Variants in PTCHD4 observed in about 807,000 individuals in gnomAD.
PTCHD4 encodes the protein patched domain containing 4.
A neutral mutation model predicts 58.1 loss-of-function variants in PTCHD4; 33 were observed. That is an observed-to-expected ratio of 0.57 (90% CI 0.43 to 0.76). PTCHD4 has a LOEUF of 0.76. PTCHD4 is among the 30% of genes least tolerant of loss of function. The pLI, the probability that PTCHD4 is intolerant of heterozygous loss-of-function variation, is 0.00. For synonymous variants in PTCHD4, 478 were observed against 409.6 expected, an observed-to-expected ratio of 1.17 and a Z score of -2.02; for missense variants, 1,058 against 1,027.1, an observed-to-expected ratio of 1.03 and a Z score of -0.41.
chr6:48,036,051 G>C (rs560270579), intron 3 of PTCHD4, among the ~76,000 whole-genome samples: 2 of 151,558 alleles, frequency 1.3e-5, no homozygotes, highest in East Asian at 1.9e-4. Flanking sequence ...ATACACCCTC[G>C]AGCTTGAGAA....
chr6:47,985,206 A>G (rs1216068004), intron 4 of PTCHD4, among the ~76,000 whole-genome samples: 2 of 152,128 alleles, frequency 1.3e-5, no homozygotes, highest in African/African-American at 4.8e-5. Context: ...TTAAGCTGAC[A>G]TAGTTGAATA....
At chr6:47,911,928 G>A (rs1027709738) in intron 4 of PTCHD4, among the ~76,000 whole-genome samples, 38 of 152,090 alleles carry the variant, frequency 2.5e-4, no homozygotes, top group Admixed American at 2.5e-3. Context: ...AAGGTGGATA[G>A]TGGAGGAGGA....
At chr6:48,004,504 G>A (rs1266499784) in intron 4 of PTCHD4, among the ~76,000 whole-genome samples, 2 of 152,072 alleles carry the variant, frequency 1.3e-5, no homozygotes, top group East Asian at 3.8e-4. Flanking sequence ...TAAAGCAAAT[G>A]AGGTGAAAAA....
At chr6:47,907,150 G>A (rs1209231272) in intron 4 of PTCHD4, among the ~76,000 whole-genome samples, 1 of 152,152 alleles carries the variant, frequency 6.6e-6, no homozygotes, top group Non-Finnish European at 1.5e-5. Flanking sequence ...GTGGGAAGGG[G>A]TTTTGGAAAT....
In PTCHD4 at chr6:47,907,482, G is replaced by T. The variant is rs1764928853; in HGVS notation, c.899-27546C>A. Among the ~76,000 whole-genome samples the T allele has an allele frequency of 2.6e-5, 4 of 152,182 alleles. No individual in the cohort carries two copies. The South Asian group carries it at 6.2e-4, about 24-fold the overall frequency. On this transcript the variant is annotated intron_variant, in intron 4 of 4. Transcript: ENST00000339488. ...AAAGGAGGAATGAAGAGAATAGATA[G>T]ACTGACTAAGGAGCTAGGGGTTTTA...
At chr6:47,947,850 A>T (rs1414259055) in intron 4 of PTCHD4, among the ~76,000 whole-genome samples, 1 of 152,136 alleles carries the variant, frequency 6.6e-6, no homozygotes, top group African/African-American at 2.4e-5. Context: ...TTGTTTTCCA[A>T]TATTATGTTT....
At chr6:47,956,230 A>G (rs1766854326) in intron 4 of PTCHD4, among the ~76,000 whole-genome samples, 1 of 152,166 alleles carries the variant, frequency 6.6e-6, no homozygotes, top group Non-Finnish European at 1.5e-5. Flanking sequence ...AATATGTGTA[A>G]CAATAACTAA....
At chr6:47,944,330 T>A (rs745935010) in intron 4 of PTCHD4, among the ~76,000 whole-genome samples, 3 of 152,068 alleles carry the variant, frequency 2.0e-5, no homozygotes, top group Non-Finnish European at 2.9e-5. Flanking sequence ...TTCAAAAAAA[T>A]TTCAGAAAAC....
rs959522274 is a variant in PTCHD4 at position 47,858,656 on chromosome 6, C to T, written c.*19647G>A. On this transcript the variant is annotated 3_prime_UTR_variant, in exon 5 of 5. Coordinates refer to ENST00000339488, the MANE Select transcript of PTCHD4 (RefSeq NM_001384253.1). ...CATAAAACAAAGAGCAATAAGAAAT[C>T]TGAACACAAGTAACAAGGCTACACT... Among the ~76,000 whole-genome samples the T allele has an allele frequency of 1.3e-5, 2 of 151,928 alleles. No homozygotes were observed. Among genetic ancestry groups the T allele is most frequent in the Non-Finnish European group, 2.9e-5 (2 of 67,934 alleles).
chr6:47,916,199 C>T (rs965804495), intron 4 of PTCHD4, among the ~76,000 whole-genome samples: 2 of 152,052 alleles, frequency 1.3e-5, no homozygotes, highest in Non-Finnish European at 2.9e-5. Flanking sequence ...CCTCTCGGTT[C>T]CTGTGGCTCT....
chr6:47,919,170 T>C (rs1486485739), intron 4 of PTCHD4, among the ~76,000 whole-genome samples: 1 of 152,128 alleles, frequency 6.6e-6, no homozygotes, highest in Non-Finnish European at 1.5e-5. Flanking sequence ...TTTAGAGCAA[T>C]TGAACCCAAA....
intron 4 of PTCHD4, among the ~76,000 whole-genome samples, chr6:47,956,398 G>A (rs1347175321): frequency 6.6e-6 from 1 of 151,978 alleles, no homozygotes; most frequent in African/African-American, 2.4e-5. Flanking sequence ...ACAATGACAG[G>A]GCAAGTATTT....
At chr6:47,888,726 A>G (rs550179566) in intron 4 of PTCHD4, among the ~76,000 whole-genome samples, 2 of 150,898 alleles carry the variant, frequency 1.3e-5, no homozygotes, top group East Asian at 2.0e-4. Context: ...ATACATATGT[A>G]TACATGTGCC....
At chr6:48,012,158 G>C (rs934930262) in intron 3 of PTCHD4, among the ~76,000 whole-genome samples, 2 of 152,136 alleles carry the variant, frequency 1.3e-5, no homozygotes, top group Non-Finnish European at 2.9e-5. Context: ...AAATTACTTT[G>C]GGCAGTTTGG....
Position 47,970,544 on chromosome 6 carries a change from TGG to T in PTCHD4, c.898+38088_898+38089del, listed in dbSNP as rs200183077. 8.5e-3 allele frequency among the ~76,000 whole-genome samples: 1,289 copies of T among 152,194 alleles called. 12 individuals carry two copies. Among genetic ancestry groups the T allele is most frequent in the South Asian group, 0.033 (161 of 4,824 alleles). The stretch of plus-strand genomic sequence containing the variant: ...TCTTCTTAAGAGGCAGTTAGACCCA[TGG>T]GTAGGATGAGGTTTCTACTCTGATG... On this transcript the variant is annotated intron_variant, in intron 4 of 4. Transcript: ENST00000339488.
At chr6:48,100,311 C>T (rs1765575199) in intron 1 of PTCHD4, among the ~76,000 whole-genome samples, 1 of 152,118 alleles carries the variant, frequency 6.6e-6, no homozygotes, top group Non-Finnish European at 1.5e-5. Flanking sequence ...TGTAAAATGT[C>T]TAAACAGTAG....
Position 47,879,345 on chromosome 6 carries a change from G to C in PTCHD4, c.1490C>G (p.Pro497Arg), listed in dbSNP as rs1331932749. Residue 497 changes from proline to arginine, a missense_variant, in exon 5 of 5, where the codon CCA becomes CGA. Transcript: ENST00000339488. ...NIINLLASDS[P>R]SVSYAMVQQK... ...CTGAACCATGGCATAGGAAACACTT[G>C]GCGAATCACTGGCTAGTAGATTGAT... 1 of 1,613,352 alleles carries C rather than the reference G, an allele frequency of 6.2e-7. No individual in the cohort carries two copies. Among genetic ancestry groups the C allele is most frequent in the South Asian group, 1.1e-5 (1 of 91,014 alleles).
Position 48,068,635 on chromosome 6 carries a change from C to G in PTCHD4, c.12G>C (p.Pro4=). 1 of 1,549,820 alleles carries G rather than the reference C, an allele frequency of 6.5e-7. No individual in the cohort carries two copies. The highest frequency in any genetic ancestry group is 8.7e-7 in the Non-Finnish European group (1 of 1,152,812). MRR[P]GAPASWIWWR... ...ACCAGATCCAGCTCGCAGGCGCTCC[C>G]GGCCGTCTTAAAAAGCACATGTGAC... Residue 4 remains proline (P), a synonymous_variant, in exon 3 of 5, where the codon CCG becomes CCC. Coordinates refer to ENST00000339488, the MANE Select transcript of PTCHD4 (RefSeq NM_001384253.1). The surrounding 1 kb of genome is among the most constrained non-coding windows in gnomAD (Gnocchi z 4.2).
At chr6:47,947,212 T>C (rs1406719648) in intron 4 of PTCHD4, among the ~76,000 whole-genome samples, 1 of 152,132 alleles carries the variant, frequency 6.6e-6, no homozygotes, top group Non-Finnish European at 1.5e-5. Context: ...AGTTTATCAA[T>C]ATTTTCACCT....
Sources: gnomAD v4.1 joint callset for allele counts (sites outside exome capture counted in the v4.1 genomes callset) on GRCh38, gnomAD v4.1.1 for gene constraint, Gnocchi (gnomAD v3.1) non-coding constraint, MANE v1.5 for transcripts, NCBI Gene and HGNC (gene_info 2026-07-23, HGNC 2026-07-21) for gene names.